The following NR3C2 variants were observed in gnomAD, a reference collection of about 807,000 sequenced individuals.
The protein encoded by NR3C2 is nuclear receptor subfamily 3 group C member 2, also known as mineralocorticoid receptor.
In NR3C2, 15 loss-of-function variants were observed where a neutral mutation model predicts 86.4. That is an observed-to-expected ratio of 0.17 (90% CI 0.12 to 0.27). The LOEUF is 0.27. Among genes scored for constraint, NR3C2 ranks in the 10% least tolerant of loss-of-function variants. The probability of loss-of-function intolerance (pLI) is 1.00; values close to 1 mark genes in which losing one functional copy is unlikely to be tolerated. For synonymous variants in NR3C2, 458 were observed against 450.5 expected, an observed-to-expected ratio of 1.02 and a Z score of -0.21; for missense variants, 960 against 1,195.6, an observed-to-expected ratio of 0.80 and a Z score of 2.91.
intron 4 of NR3C2, among the ~76,000 whole-genome samples, chr4:148,171,264 T>G (rs148898882): frequency 1.1e-3 from 173 of 152,322 alleles, no homozygotes; most frequent in Middle Eastern, 3.4e-3. Flanking sequence ...CTTTCCCTAT[T>G]CCATGCCAAT....
At chr4:148,293,030 G>A (rs1328556592) in intron 2 of NR3C2, among the ~76,000 whole-genome samples, 5 of 152,150 alleles carry the variant, frequency 3.3e-5, no homozygotes, top group Middle Eastern at 3.4e-3. Flanking sequence ...TGCATGATAC[G>A]AAACAAAGTT....
At chr4:148,241,893 C>A (rs1739069674) in intron 3 of NR3C2, among the ~76,000 whole-genome samples, 1 of 152,056 alleles carries the variant, frequency 6.6e-6, no homozygotes, top group African/African-American at 2.4e-5. Flanking sequence ...TATTTTTCAT[C>A]ATAAAAATAT....
chr4:148,286,526 A>C (rs565860037), intron 2 of NR3C2, among the ~76,000 whole-genome samples: 1 of 152,328 alleles, frequency 6.6e-6, no homozygotes, highest in Admixed American at 6.5e-5. Flanking sequence ...TTCATTAAGT[A>C]AAATAGCCTC....
intron 8 of NR3C2, among the ~76,000 whole-genome samples, chr4:148,107,009 T>C (rs1186289037): frequency 6.6e-6 from 1 of 152,076 alleles, no homozygotes; most frequent in African/African-American, 2.4e-5. Context: ...AATTGACAAA[T>C]GAGATTTAAT....
intron 4 of NR3C2, among the ~76,000 whole-genome samples, chr4:148,155,297 C>T (rs1734315811): frequency 6.6e-6 from 1 of 152,166 alleles, no homozygotes; most frequent in Admixed American, 6.5e-5. Flanking sequence ...TAAGGGTATT[C>T]AATTAGGAAA....
At chr4:148,325,817 G>A (rs1444931834) in intron 2 of NR3C2, among the ~76,000 whole-genome samples, 2 of 152,138 alleles carry the variant, frequency 1.3e-5, no homozygotes, top group African/African-American at 4.8e-5. Context: ...ATATCTGGGG[G>A]TGAATCCTTA....
intron 4 of NR3C2, among the ~76,000 whole-genome samples, chr4:148,177,419 A>G (rs1735428103): frequency 6.6e-6 from 1 of 152,228 alleles, no homozygotes; most frequent in South Asian, 2.1e-4. Context: ...TTTTCGGTAC[A>G]TTCTAGAGCT....
intron 2 of NR3C2, among the ~76,000 whole-genome samples, chr4:148,392,793 G>A (rs898473848): frequency 6.6e-6 from 1 of 152,142 alleles, no homozygotes; most frequent in Admixed American, 6.5e-5. Flanking sequence ...GTACATCTGC[G>A]AAAATACATG....
At chr4:148,373,489 T>G (rs1305962160) in intron 2 of NR3C2, among the ~76,000 whole-genome samples, 1 of 150,188 alleles carries the variant, frequency 6.7e-6, no homozygotes. Context: ...TCTTTTTTTT[T>G]TTTTAGATGG....
chr4:148,095,532 G>A (rs1347361636), intron 8 of NR3C2, among the ~76,000 whole-genome samples: 1 of 152,208 alleles, frequency 6.6e-6, no homozygotes, highest in Non-Finnish European at 1.5e-5. Flanking sequence ...GAGTCCTGAA[G>A]CCCTCCTAGA....
chr4:148,419,599 G>A (rs1304562594), intron 2 of NR3C2, among the ~76,000 whole-genome samples: 1 of 152,176 alleles, frequency 6.6e-6, no homozygotes, highest in Non-Finnish European at 1.5e-5. Flanking sequence ...CCAATTTAAT[G>A]AGCTTTTTAG....
At chr4:148,215,082 T>C (rs1404775466) in intron 3 of NR3C2, among the ~76,000 whole-genome samples, 3 of 152,170 alleles carry the variant, frequency 2.0e-5, no homozygotes, top group Non-Finnish European at 4.4e-5. Context: ...CGTGTTTGGA[T>C]TCTTATCTTT....
chr4:148,124,469 C>T (rs1299675773), intron 6 of NR3C2, among the ~76,000 whole-genome samples: 4 of 152,138 alleles, frequency 2.6e-5, no homozygotes, highest in East Asian at 1.9e-4. Flanking sequence ...TGTCATTCTC[C>T]TGAAGGTAGC....
intron 2 of NR3C2, among the ~76,000 whole-genome samples, chr4:148,390,534 G>A (rs1747490942): frequency 6.6e-6 from 1 of 152,122 alleles, no homozygotes; most frequent in South Asian, 2.1e-4. Context: ...AGGTAGGGCT[G>A]CCTAGGGAGA....
At chr4:148,327,478 G>A (rs1364057740) in intron 2 of NR3C2, among the ~76,000 whole-genome samples, 1 of 152,116 alleles carries the variant, frequency 6.6e-6, no homozygotes, top group East Asian at 1.9e-4. Context: ...CAATTACTGT[G>A]GCAACTGTGT....
chr4:148,160,996 C>T (rs1267626577), intron 4 of NR3C2, among the ~76,000 whole-genome samples: 2 of 152,166 alleles, frequency 1.3e-5, no homozygotes, highest in Non-Finnish European at 2.9e-5. Context: ...GAAGCAATGT[C>T]ATCCTTCTAT....
chr4:148,307,514 C>G (rs1388948883), intron 2 of NR3C2, among the ~76,000 whole-genome samples: 2 of 152,194 alleles, frequency 1.3e-5, no homozygotes, highest in East Asian at 1.9e-4. Flanking sequence ...CACAGAGCAA[C>G]TACTTAAATA....
At chr4:148,410,840 G>A (rs754096214) in intron 2 of NR3C2, among the ~76,000 whole-genome samples, 2 of 152,086 alleles carry the variant, frequency 1.3e-5, no homozygotes, top group African/African-American at 4.8e-5. Context: ...CAGTACAAGA[G>A]TATCACACAT....
At chr4:148,327,702 T>A (rs1269863972) in intron 2 of NR3C2, among the ~76,000 whole-genome samples, 1 of 152,198 alleles carries the variant, frequency 6.6e-6, no homozygotes, top group East Asian at 1.9e-4. Flanking sequence ...AGCAAGCAAA[T>A]GCAAATTGTT....
Sources: gnomAD v4.1 joint callset for allele counts (sites outside exome capture counted in the v4.1 genomes callset) on GRCh38, gnomAD v4.1.1 for gene constraint, MANE v1.5 for transcripts, NCBI Gene and HGNC (gene_info 2026-07-23, HGNC 2026-07-21) for gene names.